Variants in CADM2 observed in about 807,000 individuals in gnomAD.
CADM2 encodes immunoglobulin superfamily member 4D.
A neutral mutation model predicts 49.8 loss-of-function variants in CADM2; 12 were observed. That is an observed-to-expected ratio of 0.24 (90% CI 0.15 to 0.39). The LOEUF (loss-of-function observed/expected upper bound fraction) is 0.39, where lower values mean the gene tolerates loss of function less well. Among genes scored for constraint, CADM2 ranks in the 10% least tolerant of loss-of-function variants. The pLI, the probability that CADM2 is intolerant of heterozygous loss-of-function variation, is 1.00. For missense variants in CADM2, 378 were observed against 492.3 expected, an observed-to-expected ratio of 0.77 and a Z score of 2.20; for synonymous variants, 214 against 175.4, an observed-to-expected ratio of 1.22 and a Z score of -1.74.
At chr3:85,371,610 C>T (rs2033228114) in intron 1 of CADM2, among the ~76,000 whole-genome samples, 1 of 83,930 alleles carries the variant, frequency 1.2e-5, no homozygotes, top group Admixed American at 1.5e-4. Flanking sequence ...AATATTAAGC[C>T]ACACATCACT....
chr3:84,990,103 A>T (rs2032796543), intron 1 of CADM2, among the ~76,000 whole-genome samples: 1 of 151,798 alleles, frequency 6.6e-6, no homozygotes, highest in African/African-American at 2.4e-5. Context: ...CATTATATTT[A>T]ATAAAACATG....
At chr3:86,008,170 A>C (rs1457708520) in intron 8 of CADM2, among the ~76,000 whole-genome samples, 1 of 152,138 alleles carries the variant, frequency 6.6e-6, no homozygotes, top group Non-Finnish European at 1.5e-5. Context: ...ATAGTATTGC[A>C]AAATGTAAAA....
At chr3:85,966,397 T>A (rs1356558615) in intron 8 of CADM2, among the ~76,000 whole-genome samples, 1 of 151,690 alleles carries the variant, frequency 6.6e-6, no homozygotes, top group Non-Finnish European at 1.5e-5. Flanking sequence ...TTTACCGTAG[T>A]AACCCTATGT....
At chr3:85,915,949 G>A (rs923014111) in intron 6 of CADM2, among the ~76,000 whole-genome samples, 6 of 152,038 alleles carry the variant, frequency 3.9e-5, no homozygotes, top group African/African-American at 1.4e-4. Context: ...ACCTAAGTTT[G>A]GTGAGCAATA....
At chr3:85,514,494 G>T (rs2060847466) in intron 1 of CADM2, among the ~76,000 whole-genome samples, 2 of 151,984 alleles carry the variant, frequency 1.3e-5, no homozygotes, top group African/African-American at 4.8e-5. Context: ...GTTTGTCCTA[G>T]GAAGGACATT....
chr3:85,206,365 T>G (rs977439521), intron 1 of CADM2, among the ~76,000 whole-genome samples: 1 of 150,398 alleles, frequency 6.6e-6, no homozygotes, highest in Non-Finnish European at 1.5e-5. Flanking sequence ...TGGAGTGCAG[T>G]GGCGCAATCT....
chr3:85,315,845 A>T (rs2044452312), intron 1 of CADM2, among the ~76,000 whole-genome samples: 1 of 152,130 alleles, frequency 6.6e-6, no homozygotes, highest in Non-Finnish European at 1.5e-5. Flanking sequence ...TTAAATTATG[A>T]AATTTTGACA....
intron 1 of CADM2, among the ~76,000 whole-genome samples, chr3:85,021,447 TTTG>T (rs145230577): frequency 0.13 from 19,532 of 151,422 alleles, 1,617 homozygotes; most frequent in Admixed American, 0.27. Context: ...ATGCCTAGAG[TTTG>T]TTGTTGTTGT....
chr3:86,062,466 C>T (rs1359559452), intron 8 of CADM2, among the ~76,000 whole-genome samples: 4 of 152,004 alleles, frequency 2.6e-5, no homozygotes, highest in African/African-American at 9.7e-5. Context: ...CACCCCGACC[C>T]GCAACAGGCA....
At chr3:85,751,965 T>C (rs2068878421) in intron 2 of CADM2, among the ~76,000 whole-genome samples, 1 of 152,110 alleles carries the variant, frequency 6.6e-6, no homozygotes, top group Admixed American at 6.6e-5. Context: ...GAAATGATTT[T>C]AGATGAAATG....
At chr3:84,993,329 CA>C (rs2107185593) in intron 1 of CADM2, among the ~76,000 whole-genome samples, 1 of 152,244 alleles carries the variant, frequency 6.6e-6, no homozygotes, top group Non-Finnish European at 1.5e-5. Flanking sequence ...TTTTGATGCC[CA>C]TTGCTAGTGA....
chr3:84,967,100 GAGA>G (rs1364564295), intron 1 of CADM2, among the ~76,000 whole-genome samples: 1 of 152,060 alleles, frequency 6.6e-6, no homozygotes, highest in Non-Finnish European at 1.5e-5. Context: ...AGTTGTCCTT[GAGA>G]ACAGAATGAG....
chr3:84,994,074 T>TC (rs1399276743), intron 1 of CADM2, among the ~76,000 whole-genome samples: 2 of 152,140 alleles, frequency 1.3e-5, no homozygotes, highest in Non-Finnish European at 2.9e-5. Flanking sequence ...TTAGGTAATT[T>TC]CCAGATGCCT....
intron 1 of CADM2, among the ~76,000 whole-genome samples, chr3:85,060,360 C>T (rs1261438358): frequency 6.6e-6 from 1 of 152,024 alleles, no homozygotes; most frequent in African/African-American, 2.4e-5. Context: ...CTCCTGACCT[C>T]AGGTGATCCA....
At chr3:85,499,508 A>T (rs1004681572) in intron 1 of CADM2, among the ~76,000 whole-genome samples, 4 of 151,636 alleles carry the variant, frequency 2.6e-5, no homozygotes, top group Non-Finnish European at 5.9e-5. Context: ...GCTTAAATAT[A>T]TTTATGATTA....
intron 2 of CADM2, among the ~76,000 whole-genome samples, chr3:85,728,011 G>A (rs929581765): frequency 7.9e-5 from 12 of 152,210 alleles, no homozygotes; most frequent in Non-Finnish European, 1.2e-4. Flanking sequence ...GAGTGATTAT[G>A]AGTCATTACA....
chr3:85,611,533 A>G (rs2063682051), intron 1 of CADM2, among the ~76,000 whole-genome samples: 1 of 151,594 alleles, frequency 6.6e-6, no homozygotes. Flanking sequence ...AAGACCTGCT[A>G]ATAACAGGAG....
At chr3:85,669,781 A>G (rs1361586471) in intron 1 of CADM2, among the ~76,000 whole-genome samples, 1 of 152,190 alleles carries the variant, frequency 6.6e-6, no homozygotes, top group Non-Finnish European at 1.5e-5. Flanking sequence ...AAAAGAAAGC[A>G]GTAGCAGCTG....
intron 3 of CADM2, among the ~76,000 whole-genome samples, chr3:85,839,248 T>C (rs950358156): frequency 6.6e-6 from 1 of 151,844 alleles, no homozygotes; most frequent in South Asian, 2.1e-4. Context: ...CTTGCTTTAC[T>C]GGCAAGGTCA....
Sources: allele counts gnomAD v4.1 joint callset (sites outside exome capture counted in the v4.1 genomes callset), GRCh38; gene constraint gnomAD v4.1.1; transcripts MANE v1.5; gene names NCBI Gene and HGNC (gene_info 2026-07-23, HGNC 2026-07-21).